Variants in CCDC66 observed in about 807,000 individuals in gnomAD.
The protein encoded by CCDC66 is coiled-coil domain containing 66, also known as coiled-coil domain-containing protein 66.
Under a neutral mutation model 128.3 loss-of-function variants are expected in CCDC66, and 133 were observed. The observed-to-expected ratio is 1.04, with a 90% CI of 0.90 to 1.20. The LOEUF is 1.20. CCDC66 is among the 50% of genes most tolerant of loss of function. CCDC66 has a pLI of 0.00. For missense variants in CCDC66, 1,126 were observed against 1,075.5 expected, an observed-to-expected ratio of 1.05 and a Z score of -0.66; for synonymous variants, 387 against 357.0, an observed-to-expected ratio of 1.08 and a Z score of -0.95.
intron 7 of CCDC66, among the ~76,000 whole-genome samples, chr3:56,575,436 T>G (rs1224266320): frequency 6.6e-6 from 1 of 151,834 alleles, no homozygotes; most frequent in African/African-American, 2.4e-5. Context: ...TCAGGTTTTT[T>G]GGGGGTTTTT....
At chr3:56,591,103 T>A (rs1456530541) in intron 7 of CCDC66, among the ~76,000 whole-genome samples, 2 of 152,170 alleles carry the variant, frequency 1.3e-5, no homozygotes, top group African/African-American at 4.8e-5. Context: ...TGGGAGAGAC[T>A]TGTGAAAAAG....
rs71309963 is a variant in CCDC66 at position 56,567,016 on chromosome 3, G to A, written c.777G>A (p.Ser259=). 69,933 of 1,613,460 alleles carry A rather than the reference G, an allele frequency of 0.043. 1,771 individuals carry two copies. Among genetic ancestry groups the A allele is most frequent in the Middle Eastern group, 0.066 (397 of 6,058 alleles). ...GGGAAAGGGAATGTGATAGAAGTTC[G>A]TTGGAAGCAAAAAAAGCCCAGTGGA... ...TLGERECDRS[S]LEAKKAQWRK... is the part of the protein sequence containing the mutation. Residue 259 remains serine, a synonymous_variant, in exon 6 of 18, where the codon TCG becomes TCA. Coordinates refer to ENST00000394672, the MANE Select transcript of CCDC66 (RefSeq NM_001141947.3).
intron 10 of CCDC66, among the ~76,000 whole-genome samples, chr3:56,610,541 T>G (rs2074649985): frequency 6.6e-6 from 1 of 152,218 alleles, no homozygotes; most frequent in South Asian, 2.1e-4. Flanking sequence ...ATTAGCATAA[T>G]AACTAACCTC....
chr3:56,601,679 G>C (rs1006502495), intron 10 of CCDC66, among the ~76,000 whole-genome samples: 1 of 151,912 alleles, frequency 6.6e-6, no homozygotes, highest in Non-Finnish European at 1.5e-5. Context: ...TCCTTAAAGA[G>C]GTCCTTCACG....
chr3:56,569,279 A>G (rs1231329020), intron 6 of CCDC66: 1 of 288,942 alleles, frequency 3.5e-6, no homozygotes, highest in Admixed American at 3.2e-5. Context: ...CCTGAGACTG[A>G]ATAATTGATA....
chr3:56,581,044 C>T (rs946717755), intron 7 of CCDC66, among the ~76,000 whole-genome samples: 2 of 151,708 alleles, frequency 1.3e-5, no homozygotes, highest in Non-Finnish European at 2.9e-5. Context: ...CTTTCAGGTA[C>T]ACGAGATGTA....
chr3:56,562,849 G>A (rs891259855), intron 3 of CCDC66, among the ~76,000 whole-genome samples: 1 of 150,206 alleles, frequency 6.7e-6, no homozygotes, highest in Admixed American at 6.6e-5. Context: ...GTTTTACCTT[G>A]TTGGCCAGGC....
chr3:56,574,729 C>G (rs1038574896), intron 7 of CCDC66, among the ~76,000 whole-genome samples: 1 of 151,684 alleles, frequency 6.6e-6, no homozygotes, highest in Non-Finnish European at 1.5e-5. Context: ...CTTTGTTACC[C>G]AGGCTGAACA....
At chr3:56,562,807 T>G (rs899525042) in intron 3 of CCDC66, among the ~76,000 whole-genome samples, 4 of 150,058 alleles carry the variant, frequency 2.7e-5, no homozygotes, top group African/African-American at 9.8e-5. Context: ...CCCAGCTAAT[T>G]TTTTGTATTT....
chr3:56,615,516 G>A (rs1273270273), intron 12 of CCDC66: 2 of 408,838 alleles, frequency 4.9e-6, no homozygotes, highest in Non-Finnish European at 8.7e-6. Flanking sequence ...TGGGATTACA[G>A]GTGTGAGTCA....
At chr3:56,591,217 CA>C (rs1424919169) in intron 7 of CCDC66, among the ~76,000 whole-genome samples, 1 of 152,152 alleles carries the variant, frequency 6.6e-6, no homozygotes, top group Non-Finnish European at 1.5e-5. Flanking sequence ...ATTAAAGACT[CA>C]ACTGAGAGAT....
At chr3:56,583,467 C>G (rs1225476243) in intron 7 of CCDC66, among the ~76,000 whole-genome samples, 1 of 151,800 alleles carries the variant, frequency 6.6e-6, no homozygotes, top group Non-Finnish European at 1.5e-5. Context: ...TGTTTGTGTC[C>G]CTGGGTACTT....
intron 7 of CCDC66, among the ~76,000 whole-genome samples, chr3:56,582,434 G>GT (rs1452898857): frequency 2.0e-5 from 3 of 151,866 alleles, no homozygotes; most frequent in African/African-American, 7.2e-5. Context: ...GATGAACCTG[G>GT]TACCTCAGTT....
rs907579873 is a variant in CCDC66, at chr3:56,615,730, T to C, written c.1712-192T>C. ...AAATGTGTACTTTTTGTGTCTATTT[T>C]TACCGAGAACAATTATTAAATGATC... On this transcript the variant is annotated intron_variant, in intron 12 of 17. Coordinates refer to ENST00000394672, the MANE Select transcript of CCDC66 (RefSeq NM_001141947.3). The C allele has an allele frequency of 1.7e-5, 7 of 414,132 alleles. No homozygotes were observed. In the Admixed American group the frequency reaches 2.7e-4, roughly 16 times the overall value. 25.7% of individuals were successfully genotyped at this position (414,132 alleles called of 1,614,324 possible). A position where few individuals can be genotyped will look rare whatever the true frequency, so the allele number is the denominator to read the frequency against.
At chr3:56,571,376 T>TAA (rs34099535) in intron 7 of CCDC66, 74 bp downstream of exon 7, 9,554 of 833,686 alleles carry the variant, frequency 0.011, 5 homozygotes, top group East Asian at 0.038. Flanking sequence ...TAAAGCTTAT[T>TAA]AAAAAAAAAA....
At chr3:56,616,925 A>G in intron 13 of CCDC66, 187 bp from the exon 14 acceptor site, 1 of 455,416 alleles carries the variant, frequency 2.2e-6, no homozygotes. Flanking sequence ...TGGAAATTAG[A>G]GTGGTGGCTG....
intron 10 of CCDC66, among the ~76,000 whole-genome samples, chr3:56,597,827 T>G (rs1423840137): frequency 1.5e-5 from 2 of 136,118 alleles, no homozygotes; most frequent in Non-Finnish European, 3.1e-5. Flanking sequence ...TAGGCTGGAG[T>G]GCAGTGGCGC....
intron 3 of CCDC66, chr3:56,561,231 T>C (rs566584470): frequency 2.2e-6 from 1 of 452,952 alleles, no homozygotes; most frequent in East Asian, 6.9e-5. Flanking sequence ...AAGCTGTTTG[T>C]AATGGTTGAT....
At chr3:56,567,616 A>G (rs1232063170) in intron 6 of CCDC66, among the ~76,000 whole-genome samples, 1 of 152,196 alleles carries the variant, frequency 6.6e-6, no homozygotes, top group Non-Finnish European at 1.5e-5. Flanking sequence ...CAGAAACAAT[A>G]GGGGTTGGAG....
Sources: allele counts gnomAD v4.1 joint callset (sites outside exome capture counted in the v4.1 genomes callset), GRCh38; gene constraint gnomAD v4.1.1; transcripts MANE v1.5; gene names NCBI Gene and HGNC (gene_info 2026-07-23, HGNC 2026-07-21).